NRXN3: variants seen among roughly 807,000 people sequenced by gnomAD.
NRXN3 encodes neurexin 3.
NRXN3 carries 32 observed loss-of-function variants against 137.6 expected under a neutral mutation model. The observed-to-expected ratio is 0.23, with a 90% CI of 0.18 to 0.31. NRXN3 has a LOEUF of 0.31. NRXN3 is among the 10% of genes least tolerant of loss of function. The probability of loss-of-function intolerance (pLI) is 1.00; values close to 1 mark genes in which losing one functional copy is unlikely to be tolerated. For synonymous variants in NRXN3, 798 were observed against 784.5 expected (o/e 1.02, Z -0.29); for missense variants, 1,574 against 2,062.5 (o/e 0.76, Z 4.59).
At chr14:79,592,559 AG>A (rs1168284700) in intron 16 of NRXN3, among the ~76,000 whole-genome samples, 3 of 150,988 alleles carry the variant, frequency 2.0e-5, no homozygotes, top group Non-Finnish European at 4.4e-5. Flanking sequence ...TCAGCCTCCT[AG>A]ATACTGATGA....
chr14:79,359,517 A>G (rs1279606559), intron 15 of NRXN3, among the ~76,000 whole-genome samples: 4 of 150,782 alleles, frequency 2.7e-5, no homozygotes, highest in Non-Finnish European at 4.4e-5. Flanking sequence ...TCTGTCCTAT[A>G]TTAATTTCAT....
At chr14:78,975,441 G>A (rs988168622) in intron 14 of NRXN3, among the ~76,000 whole-genome samples, 19 of 152,334 alleles carry the variant, frequency 1.2e-4, no homozygotes, top group African/African-American at 4.3e-4. Context: ...GGATATGATA[G>A]CACATGAAAT....
At chr14:79,463,836 C>T (rs1319480424) in intron 15 of NRXN3, among the ~76,000 whole-genome samples, 2 of 152,024 alleles carry the variant, frequency 1.3e-5, no homozygotes. Context: ...TATAGCATGC[C>T]TCAGAAATGA....
At chr14:78,289,272 T>C (rs1191637123) in intron 3 of NRXN3, among the ~76,000 whole-genome samples, 1 of 152,210 alleles carries the variant, frequency 6.6e-6, no homozygotes, top group African/African-American at 2.4e-5. Flanking sequence ...ATAGCTTGGC[T>C]GTAGTGGTGA....
chr14:78,322,974 T>C (rs1567258374), intron 4 of NRXN3, among the ~76,000 whole-genome samples: 2 of 152,000 alleles, frequency 1.3e-5, no homozygotes, highest in Non-Finnish European at 2.9e-5. Flanking sequence ...CCAACCAGTC[T>C]GAAATGAGGC....
At chr14:78,460,030 T>C (rs954031845) in intron 4 of NRXN3, among the ~76,000 whole-genome samples, 4 of 152,254 alleles carry the variant, frequency 2.6e-5, no homozygotes, top group African/African-American at 4.8e-5. Flanking sequence ...CCAGATTTGA[T>C]TGATTTGCTA....
intron 16 of NRXN3, among the ~76,000 whole-genome samples, chr14:79,474,193 T>A (rs895189715): frequency 6.6e-6 from 1 of 152,166 alleles, no homozygotes; most frequent in Non-Finnish European, 1.5e-5. Flanking sequence ...ACTTGGAGCT[T>A]CAGCTTCCTC....
chr14:79,641,826 A>G (rs1298452327), intron 16 of NRXN3, among the ~76,000 whole-genome samples: 7 of 135,266 alleles, frequency 5.2e-5, no homozygotes, highest in African/African-American at 7.4e-5. Context: ...TTGCAGGTCA[A>G]TCTGCTTCAT....
intron 8 of NRXN3, among the ~76,000 whole-genome samples, chr14:78,773,560 A>G (rs895731829): frequency 2.6e-5 from 4 of 152,110 alleles, no homozygotes; most frequent in Non-Finnish European, 4.4e-5. Flanking sequence ...ACTTAGCTTT[A>G]TTTAATTTTT....
intron 15 of NRXN3, among the ~76,000 whole-genome samples, chr14:79,302,568 C>G (rs994898989): frequency 6.6e-6 from 1 of 151,876 alleles, no homozygotes; most frequent in African/African-American, 2.4e-5. Flanking sequence ...GACTCTGTGT[C>G]CCCACCCAAA....
chr14:79,073,797 A>G (rs1328666277), intron 15 of NRXN3, among the ~76,000 whole-genome samples: 1 of 152,192 alleles, frequency 6.6e-6, no homozygotes, highest in Admixed American at 6.5e-5. Flanking sequence ...GTAAAGTAGC[A>G]TACATAGTAA....
chr14:78,821,055 T>C (rs1367187299), intron 10 of NRXN3, among the ~76,000 whole-genome samples: 1 of 152,206 alleles, frequency 6.6e-6, no homozygotes, highest in African/African-American at 2.4e-5. Context: ...CTTCATCATA[T>C]GAGTACTCTT....
At chr14:79,351,673 A>G (rs958415201) in intron 15 of NRXN3, among the ~76,000 whole-genome samples, 2 of 152,348 alleles carry the variant, frequency 1.3e-5, no homozygotes, top group African/African-American at 4.8e-5. Context: ...CACTAGCTAT[A>G]GCTTTAATAA....
chr14:78,579,982 T>C (rs568271432), intron 4 of NRXN3, among the ~76,000 whole-genome samples: 27 of 152,310 alleles, frequency 1.8e-4, no homozygotes, highest in African/African-American at 6.5e-4. Flanking sequence ...ACCTATCTCA[T>C]AGGCTTTTTG....
intron 9 of NRXN3, among the ~76,000 whole-genome samples, chr14:78,807,617 C>T (rs941224945): frequency 2.0e-5 from 3 of 151,562 alleles, no homozygotes; most frequent in African/African-American, 7.3e-5. Context: ...TGCCTGTGAT[C>T]CCAGCTACTC....
intron 4 of NRXN3, among the ~76,000 whole-genome samples, chr14:78,572,563 A>C (rs2096899661): frequency 6.6e-6 from 1 of 152,332 alleles, no homozygotes; most frequent in Admixed American, 6.5e-5. Context: ...AGGGGTGTCC[A>C]ATCTTTTGAC....
intron 17 of NRXN3, among the ~76,000 whole-genome samples, chr14:79,691,409 A>G (rs2098716021): frequency 6.6e-6 from 1 of 152,008 alleles, no homozygotes; most frequent in Admixed American, 6.6e-5. Context: ...ATACAAAATC[A>G]GTGTCTATTA....
intron 17 of NRXN3, among the ~76,000 whole-genome samples, chr14:79,676,113 T>TGAGA (rs1222487561): frequency 6.6e-6 from 1 of 152,054 alleles, no homozygotes; most frequent in Non-Finnish European, 1.5e-5. Context: ...GTCTTGCTGC[T>TGAGA]GAGAGCTTCC....
chr14:79,632,351 G>A (rs980500001), intron 16 of NRXN3: 4 of 154,246 alleles, frequency 2.6e-5, no homozygotes, highest in African/African-American at 9.6e-5. Context: ...ACTTCGAGTA[G>A]TGTGGTTGGA....
Sources: allele counts gnomAD v4.1 joint callset (sites outside exome capture counted in the v4.1 genomes callset), GRCh38; gene constraint gnomAD v4.1.1; transcripts MANE v1.5; gene names NCBI Gene and HGNC (gene_info 2026-07-23, HGNC 2026-07-21).